The following ZNF710 variants were observed in gnomAD, a reference collection of about 807,000 sequenced individuals.
ZNF710 encodes zinc finger protein 710.
In ZNF710, 13 loss-of-function variants were observed where a neutral mutation model predicts 50.6. The observed-to-expected ratio is 0.26, with a 90% confidence interval of 0.17 to 0.41. The LOEUF (loss-of-function observed/expected upper bound fraction) is 0.41, where lower values mean the gene tolerates loss of function less well. Ranked by LOEUF, ZNF710 falls within the 10% of genes least tolerant of loss-of-function variation. ZNF710 has a pLI of 1.00. For synonymous variants in ZNF710, 383 were observed against 397.0 expected, an observed-to-expected ratio of 0.96 and a Z score of 0.42; for missense variants, 721 against 936.6, an observed-to-expected ratio of 0.77 and a Z score of 3.01.
At position 90,034,149 on chromosome 15, in the gene ZNF710, GAT is replaced by G. The variant is rs1407122392; in HGVS notation, c.-29+32536_-29+32537del. Reference sequence around the variant, plus strand: ...GGAGGCAGAGGTTGCAGTGAGCCGAGATCGCATCATTGTACTCCAGCCTGGGT... The same window carrying G: ...GGAGGCAGAGGTTGCAGTGAGCCGAGCGCATCATTGTACTCCAGCCTGGGT... On this transcript the variant is annotated intron_variant, in intron 1 of 4. Coordinates refer to ENST00000268154, the MANE Select transcript of ZNF710 (RefSeq NM_198526.4). The surrounding 1 kb of genome is among the most constrained non-coding windows in gnomAD (Gnocchi z 4.0). Among the ~76,000 whole-genome samples the G allele has an allele frequency of 6.6e-6, 1 of 151,872 alleles. No individual in the cohort carries two copies. The highest frequency in any genetic ancestry group is 2.4e-5 in the African/African-American group (1 of 41,278).
intron 1 of ZNF710, among the ~76,000 whole-genome samples, chr15:90,055,136 A>G (rs1899771451): frequency 6.6e-6 from 1 of 152,270 alleles, no homozygotes; most frequent in African/African-American, 2.4e-5. Context: ...AATTCTATAA[A>G]TAAATAAATC....
At chr15:90,012,712 T>C (rs1898346572) in intron 1 of ZNF710, among the ~76,000 whole-genome samples, 2 of 152,202 alleles carry the variant, frequency 1.3e-5, no homozygotes, top group South Asian at 4.1e-4. Context: ...TGTTTAGCCC[T>C]TCACTGAGGT....
intron 1 of ZNF710, among the ~76,000 whole-genome samples, chr15:90,044,642 A>C (rs1276441141): frequency 2.6e-5 from 4 of 152,218 alleles, no homozygotes; most frequent in Admixed American, 1.3e-4. Flanking sequence ...AAATTATCCA[A>C]ACAGAACAGT....
rs1315927773 is a variant in ZNF710, at chr15:90,073,255, A to G, written c.1643A>G (p.Lys548Arg). 2 of 1,612,346 alleles carry G rather than the reference A, an allele frequency of 1.2e-6. No homozygotes were observed. Among genetic ancestry groups the G allele is most frequent in the East Asian group, 2.2e-5 (1 of 44,820 alleles). The change falls in exon 3 of 5, where the codon AAA (lysine) becomes AGA (arginine). Residue 548 changes from lysine (K) to arginine (R), a missense_variant. Physicochemically the swap from Lys to Arg is conservative, Grantham distance 26 (BLOSUM62 2). Coordinates refer to ENST00000268154, the MANE Select transcript of ZNF710 (RefSeq NM_198526.4). The part of the protein sequence containing the change: ...MIVHSPVKPF[K>R]CKVCGKSFNR... ...GTACACTCGCCCGTGAAGCCATTCA[A>G]ATGCAAGGTACCCGGTCATCAGGCC...
chr15:90,042,933 G>A (rs1312088471), intron 1 of ZNF710, among the ~76,000 whole-genome samples: 3 of 152,232 alleles, frequency 2.0e-5, no homozygotes, highest in Non-Finnish European at 4.4e-5. Context: ...CGTCCAAAGA[G>A]GCCCTCCCTC....
intron 1 of ZNF710, among the ~76,000 whole-genome samples, chr15:90,008,444 A>ATATATACATGTATATATATATACATG (rs1567218422): frequency 9.1e-4 from 129 of 141,418 alleles, no homozygotes; most frequent in Non-Finnish European, 1.8e-3. Flanking sequence ...ATATATACAT[A>ATATATACATGTATATATATATACATG]TATATATATG....
intron 1 of ZNF710, among the ~76,000 whole-genome samples, chr15:90,047,055 G>A (rs925271660): frequency 2.6e-5 from 4 of 152,136 alleles, no homozygotes; most frequent in African/African-American, 7.2e-5. Context: ...GTCTCCTTAC[G>A]CCCATGAAGA....
intron 1 of ZNF710, among the ~76,000 whole-genome samples, chr15:90,055,385 T>C (rs1026825781): frequency 1.3e-5 from 2 of 152,090 alleles, no homozygotes; most frequent in African/African-American, 4.8e-5. Context: ...AGAACATCGA[T>C]GAAGTCCACG....
intron 1 of ZNF710, among the ~76,000 whole-genome samples, chr15:90,011,303 C>A (rs905381811): frequency 6.6e-6 from 1 of 151,794 alleles, no homozygotes; most frequent in African/African-American, 2.4e-5. Flanking sequence ...AGAGGCAGTT[C>A]TGGCTATGTT....
chr15:90,054,420 T>A (rs1235303524), intron 1 of ZNF710, among the ~76,000 whole-genome samples: 1 of 151,948 alleles, frequency 6.6e-6, no homozygotes, highest in African/African-American at 2.4e-5. Flanking sequence ...GAAAACAGGT[T>A]GGCAGGGGAG....
intron 1 of ZNF710, among the ~76,000 whole-genome samples, chr15:90,008,424 G>GTATATATATACATA (rs1567218324): frequency 7.9e-6 from 1 of 126,328 alleles, no homozygotes; most frequent in African/African-American, 3.8e-5. Context: ...GTGTGTGTGT[G>GTATATATATACATA]TGTATATATA....
chr15:90,078,211 CAAAAAAAAA>C (rs35832666), intron 4 of ZNF710, among the ~76,000 whole-genome samples: 1 of 116,276 alleles, frequency 8.6e-6, no homozygotes, highest in Admixed American at 8.9e-5. Flanking sequence ...AACTCGGTCT[CAAAAAAAAA>C]AAAAAAAAGA....
rs771024118 is a variant in ZNF710 at position 90,074,274 on chromosome 15, C to T, written c.1809C>T (p.Ile603=). The part of the protein sequence containing the change: ...HMKVKHGVMD[I]GLDSQDPMME... ...AGGTCAAGCATGGCGTCATGGACAT[C>T]GGCCTGGACAGCCAAGGTGGGTGGG... The change falls in exon 4 of 5, where the codon ATC becomes ATT. Residue 603 remains isoleucine (I), a synonymous_variant. Transcript: ENST00000268154. 39 of 1,613,320 alleles carry T rather than the reference C, an allele frequency of 2.4e-5. No individual in the cohort carries two copies. The highest frequency in any genetic ancestry group is 1.2e-4 in the South Asian group (11 of 91,082).
At chr15:90,032,091 G>T (rs1342080195) in intron 1 of ZNF710, among the ~76,000 whole-genome samples, 2 of 152,216 alleles carry the variant, frequency 1.3e-5, no homozygotes, top group Non-Finnish European at 2.9e-5. Flanking sequence ...CTGGCTCCCA[G>T]GTTCAAGCAA....
chr15:89,999,861 G>A (rs191768043), upstream of ZNF710, among the ~76,000 whole-genome samples: 19 of 152,138 alleles, frequency 1.2e-4, no homozygotes, highest in African/African-American at 4.3e-4. Flanking sequence ...AGGGAAGTGT[G>A]GGAGGAATTG....
intron 4 of ZNF710, chr15:90,074,588 C>A: frequency 8.2e-7 from 1 of 1,222,068 alleles, no homozygotes; most frequent in Non-Finnish European, 1.1e-6. Flanking sequence ...ATCCTCAAAG[C>A]GAGGTTGGCT....
intron 1 of ZNF710, among the ~76,000 whole-genome samples, chr15:90,011,949 G>A (rs187856913): frequency 0.026 from 3,891 of 152,290 alleles, 83 homozygotes; most frequent in Non-Finnish European, 0.037. Context: ...GCTCACGCCC[G>A]TAACCCCAGC....
intron 1 of ZNF710, among the ~76,000 whole-genome samples, chr15:90,009,770 C>T (rs1332033941): frequency 6.6e-6 from 1 of 152,036 alleles, no homozygotes; most frequent in Non-Finnish European, 1.5e-5. Flanking sequence ...ACTCTGTCCC[C>T]ACTTCCTCTC....
chr15:90,009,349 G>A lies in ZNF710; in HGVS notation c.-29+7735G>A, dbSNP rs115028943. 7.7e-3 allele frequency among the ~76,000 whole-genome samples: 1,175 copies of A among 152,190 alleles called. 19 individuals carry two copies. Among genetic ancestry groups the A allele is most frequent in the African/African-American group, 0.027 (1,117 of 41,502 alleles). Reference sequence around the variant, plus strand: ...GGTCAGTTTAATCTCACTCTGTGATGTCCGATCCTCGGGCCCTGGGCTCAC... The same window carrying A: ...GGTCAGTTTAATCTCACTCTGTGATATCCGATCCTCGGGCCCTGGGCTCAC... On this transcript the variant is annotated intron_variant, in intron 1 of 4. Transcript: ENST00000268154.
Sources: gnomAD v4.1 joint callset for allele counts (sites outside exome capture counted in the v4.1 genomes callset) on GRCh38, gnomAD v4.1.1 for gene constraint, Gnocchi (gnomAD v3.1) non-coding constraint, MANE v1.5 for transcripts, NCBI Gene and HGNC (gene_info 2026-07-23, HGNC 2026-07-21) for gene names.